Variants in OTUD7B observed in about 807,000 individuals in gnomAD.
OTUD7B encodes OTU deubiquitinase 7B.
Under a neutral mutation model 82.2 loss-of-function variants are expected in OTUD7B, and 34 were observed. That is an observed-to-expected ratio of 0.41 (90% CI 0.31 to 0.55). OTUD7B has a LOEUF of 0.55. Ranked by LOEUF, OTUD7B falls within the 20% of genes least tolerant of loss-of-function variation. The pLI is 0.20. For synonymous variants in OTUD7B, 398 were observed against 402.7 expected (o/e 0.99, Z 0.14); for missense variants, 944 against 1,062.1 (o/e 0.89, Z 1.55).
At chr1:150,049,821 G>T in the OTUD7B span, among the ~76,000 whole-genome samples, 47 of 152,022 alleles carry the variant, frequency 3.1e-4, no homozygotes, top group African/African-American at 1.1e-3. Context: ...ACTGGGCTCC[G>T]CCTTGGCTTC....
the OTUD7B span, among the ~76,000 whole-genome samples, chr1:150,032,486 A>AAAAAAG: frequency 1.9e-4 from 29 of 149,364 alleles, no homozygotes; most frequent in Middle Eastern, 3.4e-3. Context: ...AAAAAAAAAA[A>AAAAAAG]TAGCCAGGTA....
At chr1:149,983,004 G>A (rs1650880860) in intron 1 of OTUD7B, among the ~76,000 whole-genome samples, 1 of 151,932 alleles carries the variant, frequency 6.6e-6, no homozygotes, top group African/African-American at 2.4e-5. Context: ...ACAGGCGCCT[G>A]CCACCACACC....
intron 1 of OTUD7B, among the ~76,000 whole-genome samples, chr1:149,993,146 A>G (rs1315218049): frequency 3.3e-5 from 5 of 152,146 alleles, no homozygotes; most frequent in African/African-American, 9.7e-5. Flanking sequence ...GACTGTCTCA[A>G]AAAAAAGAAA....
At position 149,971,108 on chromosome 1, in the gene OTUD7B, G is replaced by A. The variant is rs200453789; in HGVS notation, c.229C>T (p.Arg77Cys). The change falls in exon 3 of 12, where the codon CGC becomes TGC. Residue 77 changes from arginine to cysteine, a missense_variant. Around this residue, in one of 3 missense-constraint regions of OTUD7B, gnomAD observed 530 missense variants for 625.6 expected, o/e 0.85. Coordinates refer to ENST00000581312, the MANE Select transcript of OTUD7B (RefSeq NM_020205.4). The stretch of plus-strand genomic sequence containing the variant: ...CGCTGGAGGATGGGTCGGGGAGGGC[G>A]AGTAGGCTCTCTGTCAGAAAACCCT... ...EKGFSDREPT[R>C]PPRPILQRQD... 3.3e-5 allele frequency: 53 copies of A among 1,612,978 alleles called. No homozygotes were observed. The highest frequency in any genetic ancestry group is 1.7e-4 in the Middle Eastern group (1 of 6,056).
chr1:149,969,079 T>G (rs1283859818), intron 3 of OTUD7B, among the ~76,000 whole-genome samples: 1 of 151,916 alleles, frequency 6.6e-6, no homozygotes, highest in Non-Finnish European at 1.5e-5. Flanking sequence ...ATCCCAAAAC[T>G]TTGGGAAGCC....
the OTUD7B span, among the ~76,000 whole-genome samples, chr1:150,031,773 G>T: frequency 2.5e-4 from 38 of 152,306 alleles, no homozygotes; most frequent in African/African-American, 8.7e-4. Flanking sequence ...GTAAAGCAGA[G>T]ATAGTGATAG....
upstream of OTUD7B, among the ~76,000 whole-genome samples, chr1:150,011,516 TCCTA>T (rs1653062393): frequency 6.6e-6 from 1 of 152,208 alleles, no homozygotes; most frequent in Admixed American, 6.5e-5. Flanking sequence ...CTTGTATGTG[TCCTA>T]CCTGAGTGAC....
intron 7 of OTUD7B, among the ~76,000 whole-genome samples, chr1:149,958,157 T>C (rs1648845874): frequency 6.6e-6 from 1 of 152,188 alleles, no homozygotes; most frequent in African/African-American, 2.4e-5. Flanking sequence ...TTTGGCCATC[T>C]TCAACACTTG....
intron 7 of OTUD7B, among the ~76,000 whole-genome samples, chr1:149,950,976 TA>T (rs1648183485): frequency 2.0e-4 from 2 of 9,776 alleles, no homozygotes; most frequent in Admixed American, 2.4e-3. Context: ...GTACTTTTTG[TA>T]TTTTTTTTTT....
At chr1:150,061,174 G>A in the OTUD7B span, among the ~76,000 whole-genome samples, 27 of 152,188 alleles carry the variant, frequency 1.8e-4, no homozygotes, top group African/African-American at 6.5e-4. Flanking sequence ...ATAGGCGTAA[G>A]CCACTGTGCC....
At chr1:150,039,685 G>A in the OTUD7B span, among the ~76,000 whole-genome samples, 1 of 152,144 alleles carries the variant, frequency 6.6e-6, no homozygotes, top group East Asian at 1.9e-4. Flanking sequence ...TATTCAAAAT[G>A]TTTTAAAGTG....
intron 3 of OTUD7B, among the ~76,000 whole-genome samples, chr1:149,969,794 T>C (rs946471983): frequency 6.6e-6 from 1 of 152,158 alleles, no homozygotes; most frequent in African/African-American, 2.4e-5. Context: ...CTCTGCCTCC[T>C]GGGCTTAAGC....
At chr1:150,005,007 C>T (rs781973054) in intron 1 of OTUD7B, among the ~76,000 whole-genome samples, 1 of 152,056 alleles carries the variant, frequency 6.6e-6, no homozygotes, top group Non-Finnish European at 1.5e-5. Flanking sequence ...GGATTACAGG[C>T]GTGAGCCACT....
intron 4 of OTUD7B, among the ~76,000 whole-genome samples, chr1:149,966,952 T>C (rs1237619791): frequency 6.6e-6 from 1 of 152,236 alleles, no homozygotes; most frequent in Admixed American, 6.5e-5. Flanking sequence ...ATAGGTTCAC[T>C]ACTGTGCATC....
the OTUD7B span, among the ~76,000 whole-genome samples, chr1:150,043,029 AGAGATACATTTCC>A: frequency 1.3e-5 from 2 of 152,194 alleles, no homozygotes; most frequent in African/African-American, 4.8e-5. Context: ...AAATGTATTC[AGAGATACATTTCC>A]AACAATGATT....
chr1:150,003,507 T>C (rs1456353878), intron 1 of OTUD7B, among the ~76,000 whole-genome samples: 2 of 152,154 alleles, frequency 1.3e-5, no homozygotes, highest in Admixed American at 6.5e-5. Context: ...CTTTCCAACC[T>C]CAGCATGCCC....
At position 149,993,051 on chromosome 1, in the gene OTUD7B, T is replaced by C. The variant is rs199671444; in HGVS notation, c.-66-15475A>G. On this transcript the variant is annotated intron_variant, in intron 1 of 11. Coordinates refer to ENST00000581312, the MANE Select transcript of OTUD7B (RefSeq NM_020205.4). The stretch of plus-strand genomic sequence containing the variant: ...CTATAATTCCAGCTACAAGGGAGGC[T>C]GAGGCAGGAGCATCGCTTGAACTAG... 5.3e-5 allele frequency among the ~76,000 whole-genome samples: 8 copies of C among 152,212 alleles called. No individual in the cohort carries two copies. The East Asian group carries it at 1.6e-3, about 30-fold the overall frequency.
the OTUD7B span, among the ~76,000 whole-genome samples, chr1:150,049,499 C>A: frequency 6.6e-6 from 1 of 152,076 alleles, no homozygotes; most frequent in African/African-American, 2.4e-5. Context: ...TTGTCATTTA[C>A]AGTATAATTT....
chr1:150,036,304 A>G, the OTUD7B span, among the ~76,000 whole-genome samples: 4 of 137,156 alleles, frequency 2.9e-5, no homozygotes, highest in South Asian at 9.0e-4. Flanking sequence ...TCTGTTGCCC[A>G]GGCTGGAGTG....
Sources: gnomAD v4.1 joint callset for allele counts (sites outside exome capture counted in the v4.1 genomes callset) on GRCh38, gnomAD v4.1.1 for gene constraint, gnomAD v4.1.1 regional missense constraint, MANE v1.5 for transcripts, NCBI Gene and HGNC (gene_info 2026-07-23, HGNC 2026-07-21) for gene names.